MMS22L: variants seen among roughly 807,000 people sequenced by gnomAD.
The protein encoded by MMS22L is protein MMS22-like.
Under a neutral mutation model 159.1 loss-of-function variants are expected in MMS22L, and 74 were observed. The ratio of observed to expected loss-of-function variants is 0.47; its 90% confidence interval spans 0.39 to 0.56. MMS22L has a LOEUF of 0.56. Ranked by LOEUF, MMS22L falls within the 20% of genes least tolerant of loss-of-function variation. The pLI is 0.00. For synonymous variants in MMS22L, 517 were observed against 506.9 expected (o/e 1.02, Z -0.27); for missense variants, 1,351 against 1,422.1 (o/e 0.95, Z 0.80).
chr6:97,187,694 A>C (rs1805398581), intron 14 of MMS22L, among the ~76,000 whole-genome samples: 1 of 152,184 alleles, frequency 6.6e-6, no homozygotes, highest in Admixed American at 6.5e-5. Context: ...TTTAAAAAAG[A>C]TGTTTGATGT....
At chr6:97,269,368 C>T (rs1446511839) in intron 7 of MMS22L, among the ~76,000 whole-genome samples, 2 of 151,984 alleles carry the variant, frequency 1.3e-5, no homozygotes, top group Non-Finnish European at 2.9e-5. Context: ...ATTAAAACTA[C>T]GATGTGCCAC....
chr6:97,218,013 G>A (rs1809213669), intron 14 of MMS22L, among the ~76,000 whole-genome samples: 1 of 152,122 alleles, frequency 6.6e-6, no homozygotes, highest in Non-Finnish European at 1.5e-5. Context: ...GTTCCGAAAT[G>A]TCTCAAAAGG....
Position 97,168,210 on chromosome 6 carries a change from A to T in MMS22L, c.2870T>A (p.Phe957Tyr). 1 of 1,612,936 alleles carries T rather than the reference A, an allele frequency of 6.2e-7. No individual in the cohort carries two copies. The highest frequency in any genetic ancestry group is 8.5e-7 in the Non-Finnish European group (1 of 1,179,312). The change falls in exon 20 of 25, where the codon TTT becomes TAT. Residue 957 changes from phenylalanine to tyrosine, a missense_variant. Phe to Tyr is a conservative substitution (Grantham distance 22). Coordinates refer to ENST00000683635, the MANE Select transcript of MMS22L (RefSeq NM_001350599.2). ...TAATTTTTGGGCTTTAGAAGTGGCAAAGATTTGTGCCCATGATTTCACAAG... is the reference window on the plus strand; with the variant it reads ...TAATTTTTGGGCTTTAGAAGTGGCATAGATTTGTGCCCATGATTTCACAAG... The part of the protein sequence containing the change: ...GILVKSWAQI[F>Y]ATSKAQKLLF...
At chr6:97,251,847 G>A (rs549841890) in intron 10 of MMS22L, among the ~76,000 whole-genome samples, 1 of 152,284 alleles carries the variant, frequency 6.6e-6, no homozygotes, top group Non-Finnish European at 1.5e-5. Flanking sequence ...ACTTTGAGAG[G>A]CCGAAGCGGG....
chr6:97,225,300 A>C (rs1208025060), intron 14 of MMS22L, among the ~76,000 whole-genome samples: 1 of 152,098 alleles, frequency 6.6e-6, no homozygotes, highest in Non-Finnish European at 1.5e-5. Context: ...TCCAGCCTTC[A>C]AATTAAGTCT....
chr6:97,207,473 T>A (rs1807906454), intron 14 of MMS22L, among the ~76,000 whole-genome samples: 1 of 152,182 alleles, frequency 6.6e-6, no homozygotes. Flanking sequence ...TAAAAAAAAT[T>A]ATCACATAAA....
intron 11 of MMS22L, among the ~76,000 whole-genome samples, chr6:97,235,813 AT>A (rs1811333142): frequency 6.6e-6 from 1 of 152,176 alleles, no homozygotes; most frequent in South Asian, 2.1e-4. Context: ...AAGAGTTAAG[AT>A]CCAGTGCACG....
chr6:97,149,753 C>T (rs1801134299), intron 24 of MMS22L, 100 bp downstream of exon 24: 1 of 1,230,064 alleles, frequency 8.1e-7, no homozygotes. Context: ...AAAGAACATA[C>T]CCAAATTTTG....
intron 11 of MMS22L, among the ~76,000 whole-genome samples, chr6:97,235,372 C>T (rs1020285143): frequency 4.3e-4 from 66 of 152,238 alleles, no homozygotes; most frequent in African/African-American, 1.6e-3. Flanking sequence ...ATAATCTGAC[C>T]TATGGGTCTA....
rs1420673799 is a variant in MMS22L, at chr6:97,144,413, CAT to C, written c.*2391_*2392del. 1 of 152,202 alleles carries C rather than the reference CAT, an allele frequency of 6.6e-6. No homozygotes were observed. The highest frequency in any genetic ancestry group is 1.9e-4 in the East Asian group (1 of 5,186). The allele number at this position is 152,202 out of a possible 1,614,324, so 9.4% of individuals were successfully genotyped here. On this transcript the variant is annotated 3_prime_UTR_variant, in exon 25 of 25. Coordinates refer to ENST00000683635, the MANE Select transcript of MMS22L (RefSeq NM_001350599.2). ...CCACAAATACTGTATTTTAGATCCA[CAT>C]ATAAGTGGACCTGCACAGTTCAAAC... is the stretch of plus-strand genomic sequence containing the variant.
chr6:97,242,556 C>CT (rs1812194771), intron 11 of MMS22L, among the ~76,000 whole-genome samples: 1 of 152,126 alleles, frequency 6.6e-6, no homozygotes. Context: ...CCTTCTATAT[C>CT]TTTCAAGTGA....
chr6:97,275,816 G>GC (rs1480732057), intron 4 of MMS22L, among the ~76,000 whole-genome samples: 1 of 152,008 alleles, frequency 6.6e-6, no homozygotes, highest in Non-Finnish European at 1.5e-5. Context: ...ACCAGTCTTG[G>GC]CAACATAGTG....
chr6:97,242,690 T>A (rs1303990559), intron 11 of MMS22L, among the ~76,000 whole-genome samples: 1 of 152,194 alleles, frequency 6.6e-6, no homozygotes, highest in Non-Finnish European at 1.5e-5. Flanking sequence ...CCTGTGAGAT[T>A]TATGCTTTAA....
At position 97,278,810 on chromosome 6, in the gene MMS22L, G is replaced by C. The variant is rs181600743; in HGVS notation, c.340+39C>G. 8 of 1,567,236 alleles carry C rather than the reference G, an allele frequency of 5.1e-6. No individual in the cohort carries two copies. The East Asian group carries it at 1.8e-4, about 35-fold the overall frequency. ...CCCATGTGCAACTCACTATAATGAA[G>C]CACCATTCCCTTTTGCATTAAACAC... On this transcript the variant is annotated intron_variant, in intron 4 of 24. Coordinates refer to ENST00000683635, the MANE Select transcript of MMS22L (RefSeq NM_001350599.2).
At chr6:97,147,569 A>G (rs1230525156) in intron 24 of MMS22L, among the ~76,000 whole-genome samples, 1 of 152,204 alleles carries the variant, frequency 6.6e-6, no homozygotes, top group Non-Finnish European at 1.5e-5. Flanking sequence ...TGGTTCACAC[A>G]CAGCCTCTCT....
At chr6:97,227,133 A>T (rs1053607473) in intron 14 of MMS22L, among the ~76,000 whole-genome samples, 24 of 152,134 alleles carry the variant, frequency 1.6e-4, no homozygotes, top group Non-Finnish European at 2.6e-4. Flanking sequence ...ATTTTTAATT[A>T]ACACATTAAA....
intron 11 of MMS22L, among the ~76,000 whole-genome samples, 190 bp from the exon 12 acceptor site, chr6:97,234,170 C>T (rs558481452): frequency 6.6e-6 from 1 of 152,078 alleles, no homozygotes; most frequent in Non-Finnish European, 1.5e-5. Context: ...ATGTTTTAAA[C>T]ACCATTAACA....
rs9384886 is a variant in MMS22L, at chr6:97,227,688, A to G, written c.2039+1206T>C. On this transcript the variant is annotated intron_variant, in intron 14 of 24. Transcript: ENST00000683635. ...CAAGCTTAGCACCTCTGAAAAACAG[A>G]TGCAACATTTGTAATATGATATTAG... Among the ~76,000 whole-genome samples the G allele has an allele frequency of 1.8e-4, 28 of 152,374 alleles. No individual in the cohort carries two copies. In the East Asian group the frequency reaches 4.8e-3, roughly 26 times the overall value.
At chr6:97,217,251 A>G (rs558732064) in intron 14 of MMS22L, among the ~76,000 whole-genome samples, 46 of 152,076 alleles carry the variant, frequency 3.0e-4, no homozygotes, top group Middle Eastern at 6.8e-3. Flanking sequence ...TTCATTATTT[A>G]TTTATTTTTT....
Sources: allele counts gnomAD v4.1 joint callset (sites outside exome capture counted in the v4.1 genomes callset), GRCh38; gene constraint gnomAD v4.1.1; transcripts MANE v1.5; gene names NCBI Gene and HGNC (gene_info 2026-07-23, HGNC 2026-07-21).